PLEKHB2: variants seen among roughly 807,000 people sequenced by gnomAD.
The protein encoded by PLEKHB2 is pleckstrin homology domain containing B2, also known as pleckstrin homology domain-containing family B member 2.
In PLEKHB2, 31 loss-of-function variants were observed where a neutral mutation model predicts 36.5. The observed-to-expected ratio is 0.85, with a 90% CI of 0.64 to 1.15. PLEKHB2 has a LOEUF of 1.15. PLEKHB2 is among the 50% of genes most tolerant of loss of function. The pLI is 0.00. For missense variants in PLEKHB2, 262 were observed against 295.3 expected (o/e 0.89, Z 0.83); for synonymous variants, 119 against 112.0 (o/e 1.06, Z -0.39).
intron 3 of PLEKHB2, 101 bp downstream of exon 3, chr2:131,126,006 T>C (rs1697064354): frequency 8.6e-7 from 1 of 1,166,170 alleles, no homozygotes; most frequent in Non-Finnish European, 1.2e-6. Flanking sequence ...ATTAACAGAT[T>C]GAAGAAGGGC....
chr2:131,114,287 G>A (rs933748257), intron 1 of PLEKHB2, among the ~76,000 whole-genome samples: 3 of 151,928 alleles, frequency 2.0e-5, no homozygotes, highest in African/African-American at 4.8e-5. Flanking sequence ...CCCCACGCCC[G>A]GCTAATTTTT....
chr2:131,125,942 C>T (rs1469342139), intron 3 of PLEKHB2, 37 bp downstream of exon 3: 2 of 1,596,166 alleles, frequency 1.3e-6, no homozygotes, highest in Non-Finnish European at 8.6e-7. Context: ...CTGTCTTCTG[C>T]TCTTCCTCTG....
intron 7 of PLEKHB2, among the ~76,000 whole-genome samples, chr2:131,140,936 A>C (rs900494557): frequency 1.3e-5 from 2 of 152,232 alleles, no homozygotes; most frequent in Non-Finnish European, 2.9e-5. Flanking sequence ...ACCATAGTGC[A>C]GGATGCACAG....
intron 2 of PLEKHB2, among the ~76,000 whole-genome samples, chr2:131,122,099 T>C (rs867123917): frequency 2.6e-5 from 4 of 152,212 alleles, no homozygotes; most frequent in Non-Finnish European, 4.4e-5. Context: ...AGTTTCTCCA[T>C]GTTGAGCCTG....
At chr2:131,140,452 C>G (rs1490567348) in intron 7 of PLEKHB2, among the ~76,000 whole-genome samples, 177 bp downstream of exon 7, 1 of 152,238 alleles carries the variant, frequency 6.6e-6, no homozygotes, top group Non-Finnish European at 1.5e-5. Flanking sequence ...TCATACTGCT[C>G]TGCAAAGCTA....
intron 1 of PLEKHB2, among the ~76,000 whole-genome samples, chr2:131,111,068 G>A (rs1036209846): frequency 6.6e-6 from 1 of 152,014 alleles, no homozygotes; most frequent in African/African-American, 2.4e-5. Context: ...GCAGTGGTGG[G>A]ATCTCAGCTC....
chr2:131,131,111 C>G (rs1697632069), intron 5 of PLEKHB2, among the ~76,000 whole-genome samples: 1 of 152,154 alleles, frequency 6.6e-6, no homozygotes, highest in South Asian at 2.1e-4. Flanking sequence ...TTCACATGGT[C>G]TTGTGTAACA....
chr2:131,139,638 T>C (rs1344147303), intron 6 of PLEKHB2, among the ~76,000 whole-genome samples: 1 of 152,220 alleles, frequency 6.6e-6, no homozygotes, highest in Non-Finnish European at 1.5e-5. Context: ...TCTCGCCATG[T>C]CTTTTCATAG....
intron 6 of PLEKHB2, among the ~76,000 whole-genome samples, chr2:131,138,247 A>G (rs548316499): frequency 7.1e-4 from 108 of 151,992 alleles, no homozygotes; most frequent in South Asian, 1.5e-3. Context: ...GTATGTCTTT[A>G]TATACTTTTT....
At chr2:131,134,209 G>A (rs927029756) in intron 6 of PLEKHB2, among the ~76,000 whole-genome samples, 11 of 149,418 alleles carry the variant, frequency 7.4e-5, no homozygotes, top group Non-Finnish European at 1.5e-4. Flanking sequence ...CTTTTGAGAT[G>A]GAGTTTCGCT....
intron 1 of PLEKHB2, among the ~76,000 whole-genome samples, chr2:131,107,185 C>G (rs374031533): frequency 5.3e-5 from 8 of 152,304 alleles, no homozygotes; most frequent in African/African-American, 1.7e-4. Context: ...CAGTAACTAC[C>G]AAAAACTGCA....
intron 1 of PLEKHB2, among the ~76,000 whole-genome samples, chr2:131,119,653 G>T (rs923806744): frequency 6.6e-6 from 1 of 152,178 alleles, no homozygotes; most frequent in Non-Finnish European, 1.5e-5. Context: ...AGTTTCAATA[G>T]ATTTTGTCAA....
At chr2:131,115,608 C>T (rs2104802924) in intron 1 of PLEKHB2, among the ~76,000 whole-genome samples, 1 of 152,200 alleles carries the variant, frequency 6.6e-6, no homozygotes. Context: ...CTGCCTCAGT[C>T]TCCCAAAATG....
chr2:131,119,697 T>C (rs1423249139), intron 1 of PLEKHB2, among the ~76,000 whole-genome samples: 1 of 152,202 alleles, frequency 6.6e-6, no homozygotes, highest in Non-Finnish European at 1.5e-5. Flanking sequence ...CAGTTTTCTT[T>C]CTGCCATTGT....
rs544349408 is a variant in PLEKHB2, at chr2:131,137,039, C to T, written c.424-3128C>T. Among the ~76,000 whole-genome samples, 29 of 151,204 alleles carry T rather than the reference C, an allele frequency of 1.9e-4. 1 individual carries two copies. In the Middle Eastern group the frequency reaches 0.01, roughly 53 times the overall value. ...TCGGCTCACTGCAAGCTCCGCCTCCCGTGTTCACGCCATTCTTCTGCCTCA... is the reference window on the plus strand; with the variant it reads ...TCGGCTCACTGCAAGCTCCGCCTCCTGTGTTCACGCCATTCTTCTGCCTCA... On this transcript the variant is annotated intron_variant, in intron 6 of 7. Coordinates refer to ENST00000693505, the MANE Select transcript of PLEKHB2 (RefSeq NM_001100623.2).
rs572782832 is a variant in PLEKHB2 at position 131,147,010 on chromosome 2, G to T, written c.*237G>T. The T allele has an allele frequency of 1.1e-4, 39 of 362,050 alleles. 1 individual carries two copies. The highest frequency in any genetic ancestry group is 6.7e-4 in the African/African-American group (32 of 47,940). The allele number at this position is 362,050 out of a possible 1,614,324, so 22.4% of individuals were successfully genotyped here. On this transcript the variant is annotated 3_prime_UTR_variant, in exon 8 of 8. Transcript: ENST00000693505. ...ACTGGCTCATTCCAAGACTGTTCTT[G>T]TGCAACTCTCAGAATACCTTATTTG...
intron 6 of PLEKHB2, among the ~76,000 whole-genome samples, chr2:131,136,346 G>T (rs1698256245): frequency 6.6e-6 from 1 of 150,990 alleles, no homozygotes; most frequent in African/African-American, 2.5e-5. Flanking sequence ...TCTTGCCTCA[G>T]CCTCCTGAGC....
At position 131,147,513 on chromosome 2, in the gene PLEKHB2, A is replaced by G. The variant is rs1471056949; in HGVS notation, c.*740A>G. Reference sequence around the variant, plus strand: ...GCTTTAATCCTTTAAAACTTGGAGAAGCTGGCTGGGCGCGGTGGCTCACGC... The same window carrying G: ...GCTTTAATCCTTTAAAACTTGGAGAGGCTGGCTGGGCGCGGTGGCTCACGC... On this transcript the variant is annotated 3_prime_UTR_variant, in exon 8 of 8. Transcript: ENST00000693505. The G allele has an allele frequency of 6.6e-6, 1 of 152,294 alleles. No homozygotes were observed. Among genetic ancestry groups the G allele is most frequent in the Non-Finnish European group, 1.5e-5 (1 of 68,100 alleles). 9.4% of individuals were successfully genotyped at this position (152,294 alleles called of 1,614,324 possible).
In PLEKHB2 at chr2:131,125,749, C is replaced by G. The variant is rs1330672084; in HGVS notation, c.38-4C>G. Reference sequence around the variant, plus strand: ...AAAACAACCGTACTATTTTTTTTTTCCAGGTACTATTTTGAAGCGCTGGAA... The same window carrying G: ...AAAACAACCGTACTATTTTTTTTTTGCAGGTACTATTTTGAAGCGCTGGAA... On this transcript the variant is annotated splice_polypyrimidine_tract_variant and splice_region_variant and intron_variant, in intron 2 of 7. Transcript: ENST00000693505. The G allele has an allele frequency of 2.6e-6, 4 of 1,555,820 alleles. No homozygotes were observed. Among genetic ancestry groups the G allele is most frequent in the Non-Finnish European group, 3.5e-6 (4 of 1,153,696 alleles).
Sources: gnomAD v4.1 joint callset for allele counts (sites outside exome capture counted in the v4.1 genomes callset) on GRCh38, gnomAD v4.1.1 for gene constraint, MANE v1.5 for transcripts, NCBI Gene and HGNC (gene_info 2026-07-23, HGNC 2026-07-21) for gene names.